Variants in TMTC2 observed in about 807,000 individuals in gnomAD.
The protein encoded by TMTC2 is transmembrane O-mannosyltransferase targeting cadherins 2, also known as protein O-mannosyl-transferase TMTC2.
In TMTC2, 43 loss-of-function variants were observed where a neutral mutation model predicts 82.4. The ratio of observed to expected loss-of-function variants is 0.52; its 90% CI spans 0.41 to 0.67. The LOEUF is 0.67. Among genes scored for constraint, TMTC2 ranks in the 30% least tolerant of loss-of-function variants. TMTC2 has a pLI of 0.00. For missense variants in TMTC2, 919 were observed against 1,012.4 expected (o/e 0.91, Z 1.25); for synonymous variants, 408 against 381.9 (o/e 1.07, Z -0.80).
chr12:82,959,515 A>G (rs1565828339), intron 4 of TMTC2, among the ~76,000 whole-genome samples: 1 of 152,134 alleles, frequency 6.6e-6, no homozygotes, highest in Admixed American at 6.6e-5. Context: ...CCAGAAATAA[A>G]GTCTCACATC....
intron 2 of TMTC2, among the ~76,000 whole-genome samples, chr12:82,858,712 A>C (rs1871383253): frequency 6.6e-6 from 1 of 151,716 alleles, no homozygotes; most frequent in Non-Finnish European, 1.5e-5. Flanking sequence ...TGGAAACCTA[A>C]CCTTTTCACT....
chr12:83,111,372 G>A (rs1397262674), intron 11 of TMTC2, among the ~76,000 whole-genome samples: 4 of 152,240 alleles, frequency 2.6e-5, no homozygotes, highest in African/African-American at 9.6e-5. Flanking sequence ...CTCTGCTTTT[G>A]TAGCATAGAA....
chr12:82,705,019 T>G (rs548311604), intron 1 of TMTC2, among the ~76,000 whole-genome samples: 1 of 152,202 alleles, frequency 6.6e-6, no homozygotes, highest in Non-Finnish European at 1.5e-5. Flanking sequence ...TAAAAAGGAA[T>G]GAATTAATGG....
chr12:82,786,214 G>T (rs1878169459), intron 1 of TMTC2, among the ~76,000 whole-genome samples: 1 of 152,036 alleles, frequency 6.6e-6, no homozygotes, highest in East Asian at 1.9e-4. Context: ...AAAGAAAAAT[G>T]CAAGGAAACA....
At chr12:82,988,435 T>G (rs750432207) in intron 8 of TMTC2, among the ~76,000 whole-genome samples, 14 of 152,066 alleles carry the variant, frequency 9.2e-5, no homozygotes, top group Admixed American at 4.6e-4. Context: ...GAATGGAGTA[T>G]TCAGGTCTCT....
At chr12:83,072,179 G>A (rs1048946225) in intron 11 of TMTC2, among the ~76,000 whole-genome samples, 1 of 152,072 alleles carries the variant, frequency 6.6e-6, no homozygotes, top group Non-Finnish European at 1.5e-5. Flanking sequence ...TGCTTTTGCT[G>A]TATCCCTGAG....
intron 11 of TMTC2, among the ~76,000 whole-genome samples, chr12:83,101,530 A>T (rs1884213609): frequency 1.3e-5 from 2 of 152,184 alleles, no homozygotes; most frequent in Admixed American, 1.3e-4. Flanking sequence ...CAGTCTATCC[A>T]AATACTTGTG....
intron 10 of TMTC2, among the ~76,000 whole-genome samples, chr12:83,054,461 G>A (rs1288382936): frequency 6.6e-6 from 1 of 151,680 alleles, no homozygotes. Flanking sequence ...ACATGAAAAT[G>A]GTGACTGAAT....
intron 1 of TMTC2, among the ~76,000 whole-genome samples, chr12:82,820,423 T>G (rs1266277868): frequency 6.6e-6 from 1 of 151,950 alleles, no homozygotes; most frequent in African/African-American, 2.4e-5. Flanking sequence ...CAGGCTGGAG[T>G]GCAGTGGAGT....
At chr12:83,036,925 T>A (rs556460011) in intron 9 of TMTC2, among the ~76,000 whole-genome samples, 7 of 152,150 alleles carry the variant, frequency 4.6e-5, no homozygotes, top group Admixed American at 4.6e-4. Context: ...TTATAAGAAC[T>A]CACTCTCATG....
At chr12:83,014,276 C>G (rs1880578639) in intron 8 of TMTC2, among the ~76,000 whole-genome samples, 1 of 152,228 alleles carries the variant, frequency 6.6e-6, no homozygotes, top group African/African-American at 2.4e-5. Context: ...GATTCTCCCA[C>G]TCCAGCCTCC....
intron 3 of TMTC2, among the ~76,000 whole-genome samples, chr12:82,918,084 A>T (rs910159652): frequency 2.6e-5 from 4 of 151,894 alleles, no homozygotes; most frequent in Non-Finnish European, 5.9e-5. Context: ...TGTCTGGCTA[A>T]GTTTTGTATT....
At chr12:83,011,700 A>G (rs1214184296) in intron 8 of TMTC2, among the ~76,000 whole-genome samples, 1 of 152,140 alleles carries the variant, frequency 6.6e-6, no homozygotes, top group Admixed American at 6.5e-5. Flanking sequence ...CTCTCCACTT[A>G]GCAAAGTCCT....
intron 1 of TMTC2, among the ~76,000 whole-genome samples, chr12:82,760,671 C>T (rs1475811251): frequency 2.0e-5 from 3 of 151,880 alleles, no homozygotes; most frequent in Non-Finnish European, 4.4e-5. Context: ...GGTGAGCCAG[C>T]GAAACTTCAT....
At chr12:82,792,039 C>G (rs1878494490) in intron 1 of TMTC2, among the ~76,000 whole-genome samples, 1 of 152,120 alleles carries the variant, frequency 6.6e-6, no homozygotes, top group South Asian at 2.1e-4. Flanking sequence ...TCTTACCCAC[C>G]TGCTTGGGAA....
intron 8 of TMTC2, among the ~76,000 whole-genome samples, chr12:82,995,763 T>C (rs990243913): frequency 5.3e-5 from 8 of 152,236 alleles, no homozygotes; most frequent in African/African-American, 1.7e-4. Context: ...GGCTCCCTCC[T>C]GTTTTCTGAA....
chr12:82,819,085 A>G (rs543989052), intron 1 of TMTC2, among the ~76,000 whole-genome samples: 5 of 152,014 alleles, frequency 3.3e-5, no homozygotes, highest in Non-Finnish European at 5.9e-5. Context: ...CATAGATTTT[A>G]GAATTATTTA....
At chr12:82,821,698 C>A (rs1341046817) in intron 1 of TMTC2, among the ~76,000 whole-genome samples, 3 of 151,820 alleles carry the variant, frequency 2.0e-5, no homozygotes, top group Admixed American at 2.0e-4. Context: ...TGGTGAAACC[C>A]CATCTCTACT....
In TMTC2 at chr12:82,965,083, C is replaced by A; in HGVS notation, c.1658C>A (p.Ala553Asp). The A allele has an allele frequency of 6.2e-7, 1 of 1,612,066 alleles. No homozygotes were observed. The highest frequency in any genetic ancestry group is 8.5e-7 in the Non-Finnish European group (1 of 1,178,738). Residue 553 changes from alanine to aspartate, a missense_variant, in exon 5 of 12, where the codon GCC becomes GAC. Ala to Asp is a moderately radical substitution (Grantham distance 126, BLOSUM62 -2). Coordinates refer to ENST00000321196, the MANE Select transcript of TMTC2 (RefSeq NM_152588.3). ...FAEALHYYKL[A>D]IGSRPTLASA... is the part of the protein sequence containing the mutation. The stretch of plus-strand genomic sequence containing the variant: ...GAAGCACTACATTATTATAAATTGG[C>A]CATTGGGAGCAGGCCTACCCTGGCT...
Sources: allele counts gnomAD v4.1 joint callset (sites outside exome capture counted in the v4.1 genomes callset), GRCh38; gene constraint gnomAD v4.1.1; transcripts MANE v1.5; gene names NCBI Gene and HGNC (gene_info 2026-07-23, HGNC 2026-07-21).